The following CCDC178 variants were observed in gnomAD, a reference collection of about 807,000 sequenced individuals.
The protein encoded by CCDC178 is coiled-coil domain containing 178, also known as coiled-coil domain-containing protein 178.
CCDC178 carries 126 observed loss-of-function variants against 117.4 expected under a neutral mutation model. The observed-to-expected ratio is 1.07, with a 90% CI of 0.93 to 1.24. The LOEUF (loss-of-function observed/expected upper bound fraction) is 1.24, where lower values mean the gene tolerates loss of function less well. Among genes scored for constraint, CCDC178 ranks in the 50% most tolerant of loss-of-function variants. CCDC178 has a pLI of 0.00. For missense variants in CCDC178, 1,030 were observed against 986.9 expected (o/e 1.04, Z -0.59); for synonymous variants, 283 against 313.4 (o/e 0.90, Z 1.02).
At chr18:32,964,695 C>T (rs2054773910) in intron 22 of CCDC178, among the ~76,000 whole-genome samples, 1 of 152,014 alleles carries the variant, frequency 6.6e-6, no homozygotes, top group East Asian at 1.9e-4. Flanking sequence ...ATGATACAAA[C>T]CAAGTCAGCA....
chr18:33,259,934 AAAAGTAACATTTTATTG>A (rs2144742311), intron 14 of CCDC178, among the ~76,000 whole-genome samples: 1 of 152,306 alleles, frequency 6.6e-6, no homozygotes, highest in South Asian at 2.1e-4. Flanking sequence ...TATTTATTTT[AAAAGTAACATTTTATTG>A]AAGTAGAACT....
intron 11 of CCDC178, among the ~76,000 whole-genome samples, chr18:33,302,842 G>A (rs1019510839): frequency 6.6e-6 from 1 of 152,010 alleles, no homozygotes; most frequent in Admixed American, 6.6e-5. Flanking sequence ...TTGAAACAGA[G>A]GATATTAAAG....
intron 22 of CCDC178, among the ~76,000 whole-genome samples, chr18:32,945,140 C>T (rs2054317974): frequency 6.6e-6 from 1 of 152,074 alleles, no homozygotes; most frequent in South Asian, 2.1e-4. Flanking sequence ...GCTGTATATG[C>T]TTGGAATTGT....
intron 20 of CCDC178, among the ~76,000 whole-genome samples, chr18:33,208,386 T>C (rs1428639397): frequency 6.6e-6 from 1 of 152,004 alleles, no homozygotes; most frequent in Non-Finnish European, 1.5e-5. Flanking sequence ...CTCAAAGTAA[T>C]CTCTAATTTT....
At chr18:32,980,399 G>A (rs1423681585) in intron 21 of CCDC178, among the ~76,000 whole-genome samples, 10 of 151,590 alleles carry the variant, frequency 6.6e-5, no homozygotes, top group Admixed American at 5.9e-4. Flanking sequence ...GTGAAACCCC[G>A]TCTCTACTAA....
intron 2 of CCDC178, among the ~76,000 whole-genome samples, chr18:33,424,404 T>C (rs1010538210): frequency 2.0e-5 from 3 of 152,228 alleles, no homozygotes; most frequent in Non-Finnish European, 2.9e-5. Context: ...TGTGCCTTAT[T>C]CAAGGAATAG....
At chr18:32,961,045 A>G (rs1337222555) in intron 22 of CCDC178, among the ~76,000 whole-genome samples, 1 of 152,098 alleles carries the variant, frequency 6.6e-6, no homozygotes, top group Non-Finnish European at 1.5e-5. Context: ...TGTTATGTAT[A>G]CACTTTAAAA....
chr18:33,067,685 A>G (rs2057041033), intron 21 of CCDC178, among the ~76,000 whole-genome samples: 1 of 152,122 alleles, frequency 6.6e-6, no homozygotes, highest in Non-Finnish European at 1.5e-5. Context: ...CTCGACTAAA[A>G]ATACAAAATT....
chr18:33,092,587 T>C (rs2057482754), intron 21 of CCDC178, among the ~76,000 whole-genome samples, 174 bp downstream of exon 21: 1 of 152,156 alleles, frequency 6.6e-6, no homozygotes. Flanking sequence ...CAATATTCTT[T>C]CAAAATTCAA....
intron 19 of CCDC178, 43 bp downstream of exon 19, chr18:33,215,507 A>G (rs755551397): frequency 2.9e-6 from 3 of 1,043,888 alleles, no homozygotes; most frequent in East Asian, 6.4e-5. Flanking sequence ...ATTTATTAAT[A>G]TTTTTTAAAA....
chr18:33,299,783 A>AC (rs1464178678), intron 11 of CCDC178, among the ~76,000 whole-genome samples: 7 of 150,380 alleles, frequency 4.7e-5, no homozygotes, highest in Admixed American at 1.3e-4. Context: ...GAAAAAAAAA[A>AC]AACACAAAAA....
chr18:33,247,846 T>G (rs1472680105), intron 14 of CCDC178, among the ~76,000 whole-genome samples: 1 of 151,886 alleles, frequency 6.6e-6, no homozygotes, highest in Non-Finnish European at 1.5e-5. Context: ...GTGTGGTGTG[T>G]GTTTGAGTAT....
intron 11 of CCDC178, among the ~76,000 whole-genome samples, chr18:33,303,673 G>GT (rs61552693): frequency 0.057 from 8,340 of 145,468 alleles, 656 homozygotes; most frequent in African/African-American, 0.18. Flanking sequence ...ATAAAGTCTA[G>GT]TTTTTAAAAA....
At chr18:33,215,004 T>C (rs2059148518) in intron 19 of CCDC178, among the ~76,000 whole-genome samples, 1 of 151,944 alleles carries the variant, frequency 6.6e-6, no homozygotes, top group South Asian at 2.1e-4. Context: ...GTAAATAAGT[T>C]TTAGGTTAGG....
At chr18:32,988,172 C>T (rs1344276558) in intron 21 of CCDC178, among the ~76,000 whole-genome samples, 1 of 151,744 alleles carries the variant, frequency 6.6e-6, no homozygotes, top group African/African-American at 2.4e-5. Context: ...TGGCTCACGC[C>T]TGTAATCCTA....
intron 21 of CCDC178, among the ~76,000 whole-genome samples, chr18:33,088,976 G>A (rs1300686503): frequency 1.3e-5 from 2 of 152,008 alleles, no homozygotes; most frequent in Non-Finnish European, 2.9e-5. Context: ...AAAGAGGAGG[G>A]CAATATTTCT....
intron 15 of CCDC178, among the ~76,000 whole-genome samples, chr18:33,232,504 T>C (rs753314446): frequency 1.3e-5 from 2 of 151,998 alleles, no homozygotes; most frequent in Non-Finnish European, 2.9e-5. Context: ...AAGCAAAATT[T>C]GAGATATGTT....
chr18:32,943,672 ATGT>A (rs1422690373), intron 22 of CCDC178, among the ~76,000 whole-genome samples: 2 of 152,230 alleles, frequency 1.3e-5, no homozygotes, highest in African/African-American at 4.8e-5. Flanking sequence ...GTGGCAAAAC[ATGT>A]TGTAAACACT....
At chr18:33,034,247 G>T (rs1465856543) in intron 21 of CCDC178, among the ~76,000 whole-genome samples, 1 of 151,746 alleles carries the variant, frequency 6.6e-6, no homozygotes, top group Non-Finnish European at 1.5e-5. Context: ...ATTATTTCTT[G>T]TCTGGGAAAC....
Sources: allele counts gnomAD v4.1 joint callset (sites outside exome capture counted in the v4.1 genomes callset), GRCh38; gene constraint gnomAD v4.1.1; transcripts MANE v1.5; gene names NCBI Gene and HGNC (gene_info 2026-07-23, HGNC 2026-07-21).